The following IGSF10 variants were observed in gnomAD, a reference collection of about 807,000 sequenced individuals.
IGSF10 encodes the protein calvaria mechanical force protein 608.
Under a neutral mutation model 128.2 loss-of-function variants are expected in IGSF10, and 126 were observed. The observed-to-expected ratio is 0.98, with a 90% CI of 0.85 to 1.14. The LOEUF is 1.14. IGSF10 is among the 50% of genes most tolerant of loss of function. The pLI, the probability that IGSF10 is intolerant of heterozygous loss-of-function variation, is 0.00. For missense variants in IGSF10, 3,295 were observed against 3,149.8 expected, an observed-to-expected ratio of 1.05 and a Z score of -1.10; for synonymous variants, 1,185 against 1,146.2, an observed-to-expected ratio of 1.03 and a Z score of -0.68.
chr3:151,515,591 T>C, the IGSF10 span, among the ~76,000 whole-genome samples: 1 of 151,626 alleles, frequency 6.6e-6, no homozygotes, highest in Admixed American at 6.6e-5. Flanking sequence ...GCACGTTGTG[T>C]ACATGTACCC....
At position 151,449,268 on chromosome 3, in the gene IGSF10, G is replaced by A. The variant is rs1721395875; in HGVS notation, c.716-3C>T. 3 of 1,555,530 alleles carry A rather than the reference G, an allele frequency of 1.9e-6. No homozygotes were observed. In the Admixed American group the frequency reaches 6.1e-5, roughly 32 times the overall value. The stretch of plus-strand genomic sequence containing the variant: ...ATCTTTTTTGCATTTTATTACATCT[G>A]GAAAAAAATCACAATTGAATTATCA... On this transcript the variant is annotated splice_region_variant and splice_polypyrimidine_tract_variant and intron_variant, in intron 5 of 7. Transcript: ENST00000282466.
chr3:151,473,773 T>C, the IGSF10 span, among the ~76,000 whole-genome samples: 1 of 152,188 alleles, frequency 6.6e-6, no homozygotes, highest in South Asian at 2.1e-4. Flanking sequence ...GTGGAGAATC[T>C]GCATATTCTG....
At position 151,448,013 on chromosome 3, in the gene IGSF10, C is replaced by CA. The variant is rs1560178211; in HGVS notation, c.1967dup (p.Leu656PhefsTer18). The stretch of plus-strand genomic sequence containing the variant: ...TCATCTTGACTGAAACTTGGAAAAT[C>CA]AAAAAATCAACCCCTGATGGGTTGG... On this transcript the variant is annotated frameshift_variant, in exon 6 of 8. Transcript: ENST00000282466. LOFTEE classifies it high-confidence loss of function. 5 of 1,613,836 alleles carry CA rather than the reference C, an allele frequency of 3.1e-6. No homozygotes were observed. Among genetic ancestry groups the CA allele is most frequent in the African/African-American group, 2.7e-5 (2 of 74,866 alleles).
the IGSF10 span, among the ~76,000 whole-genome samples, chr3:151,552,776 A>G: frequency 1.3e-4 from 20 of 152,338 alleles, no homozygotes; most frequent in African/African-American, 4.8e-4. Context: ...CTTTGCCTAC[A>G]TGCAGAGATA....
chr3:151,567,717 C>T, the IGSF10 span, among the ~76,000 whole-genome samples: 1 of 152,176 alleles, frequency 6.6e-6, no homozygotes. Flanking sequence ...CTAGACAATT[C>T]CAAACAGCTC....
At chr3:151,481,572 G>C in the IGSF10 span, among the ~76,000 whole-genome samples, 3 of 152,130 alleles carry the variant, frequency 2.0e-5, no homozygotes, top group Non-Finnish European at 4.4e-5. Context: ...GTGTATCTCA[G>C]AGCAACCGAC....
chr3:151,520,718 A>C, the IGSF10 span, among the ~76,000 whole-genome samples: 1 of 151,872 alleles, frequency 6.6e-6, no homozygotes. Context: ...CTTACAAGAG[A>C]TCTTGAAAGG....
chr3:151,534,395 G>T, the IGSF10 span, among the ~76,000 whole-genome samples: 3 of 152,098 alleles, frequency 2.0e-5, no homozygotes, highest in East Asian at 5.8e-4. Flanking sequence ...CAAAGACTTG[G>T]AACCAACCCA....
At chr3:151,576,340 C>T in the IGSF10 span, among the ~76,000 whole-genome samples, 7 of 152,124 alleles carry the variant, frequency 4.6e-5, no homozygotes, top group Middle Eastern at 3.4e-3. Context: ...GTGATTCCTG[C>T]TATTTATTTA....
chr3:151,566,690 T>C, the IGSF10 span, among the ~76,000 whole-genome samples: 1 of 152,210 alleles, frequency 6.6e-6, no homozygotes, highest in East Asian at 1.9e-4. Flanking sequence ...CTGGGAGCCA[T>C]AGAGTGCTAT....
chr3:151,449,611 GTTTTTATT>G (rs1721415819), intron 5 of IGSF10, among the ~76,000 whole-genome samples: 1 of 152,122 alleles, frequency 6.6e-6, no homozygotes. Flanking sequence ...ATGTTTGTCA[GTTTTTATT>G]AATAACAGTT....
chr3:151,591,669 A>G, the IGSF10 span, among the ~76,000 whole-genome samples: 1 of 152,046 alleles, frequency 6.6e-6, no homozygotes, highest in East Asian at 1.9e-4. Context: ...TAGAGAAAAA[A>G]TGCTAAATAG....
At chr3:151,528,800 GTTT>G in the IGSF10 span, among the ~76,000 whole-genome samples, 69,526 of 146,190 alleles carry the variant, frequency 0.48, 16,976 homozygotes, top group African/African-American at 0.6. Flanking sequence ...AGCTGCAGGA[GTTT>G]TTTTTTTTTT....
chr3:151,512,318 C>T, the IGSF10 span, among the ~76,000 whole-genome samples: 12 of 152,260 alleles, frequency 7.9e-5, 1 homozygote, highest in African/African-American at 2.6e-4. Flanking sequence ...TCACTCAAAA[C>T]CGCTCAACTA....
At chr3:151,516,541 G>C in the IGSF10 span, among the ~76,000 whole-genome samples, 4 of 152,012 alleles carry the variant, frequency 2.6e-5, no homozygotes, top group South Asian at 6.2e-4. Flanking sequence ...TGGCACGGAC[G>C]TTGCCTCATA....
At chr3:151,599,145 G>A in the IGSF10 span, among the ~76,000 whole-genome samples, 746 of 152,286 alleles carry the variant, frequency 4.9e-3, 1 homozygote, top group African/African-American at 0.017. Flanking sequence ...GAGTGGAAAA[G>A]GAAGGGAAGG....
rs1720974957 is a variant in IGSF10 at position 151,443,360 on chromosome 3, G to A, written c.5587C>T (p.Pro1863Ser). Residue 1863 changes from proline (P) to serine (S), a missense_variant, in exon 7 of 8, where the codon CCC (proline) becomes TCC (serine). Coordinates refer to ENST00000282466, the MANE Select transcript of IGSF10 (RefSeq NM_178822.5). ...TGAGGAGTTCCTTTTGCAGTACAGG[G>A]CAGTTTTAAACTTTCACCCCAAGTG... Reference protein sequence around the residue: ...VGTWGESLKLPCTAKGTPQPS... With the variant: ...VGTWGESLKLSCTAKGTPQPS... 1.9e-6 allele frequency: 3 copies of A among 1,614,206 alleles called. No homozygotes were observed. The highest frequency in any genetic ancestry group is 1.7e-5 in the Admixed American group (1 of 60,012).
chr3:151,582,298 G>GT, the IGSF10 span, among the ~76,000 whole-genome samples: 2 of 111,060 alleles, frequency 1.8e-5, 1 homozygote, highest in Admixed American at 2.1e-4. Flanking sequence ...TATCCGGGGG[G>GT]GGGGGCGGGA....
rs548374216 is a variant in IGSF10 at position 151,454,727 on chromosome 3, T to A, written c.325-953A>T. Among the ~76,000 whole-genome samples, 2 of 152,218 alleles carry A rather than the reference T, an allele frequency of 1.3e-5. 1 individual carries two copies. The highest frequency in any genetic ancestry group is 4.8e-5 in the African/African-American group (2 of 41,554). ...CCACCTTTTAAAGTGTACAACTGGC[T>A]GGGCATGGTGGCTCCCAGCACTTTG... is the stretch of plus-strand genomic sequence containing the variant. On this transcript the variant is annotated intron_variant, in intron 4 of 7. Transcript: ENST00000282466.
Sources: gnomAD v4.1 joint callset for allele counts (sites outside exome capture counted in the v4.1 genomes callset) on GRCh38, gnomAD v4.1.1 for gene constraint, MANE v1.5 for transcripts, NCBI Gene and HGNC (gene_info 2026-07-23, HGNC 2026-07-21) for gene names.